ERCC8: variants seen among roughly 807,000 people sequenced by gnomAD.
The protein encoded by ERCC8 is ERCC excision repair 8, CSA ubiquitin ligase complex subunit, also known as DNA excision repair protein ERCC-8.
In ERCC8, 52 loss-of-function variants were observed where a neutral mutation model predicts 54.9. The ratio of observed to expected loss-of-function variants is 0.95; its 90% CI spans 0.76 to 1.19. The LOEUF is 1.19. Ranked by LOEUF, ERCC8 falls within the 50% of genes most tolerant of loss-of-function variation. The probability of loss-of-function intolerance (pLI) is 0.00; values close to 1 mark genes in which losing one functional copy is unlikely to be tolerated. For synonymous variants in ERCC8, 146 were observed against 157.2 expected (o/e 0.93, Z 0.53); for missense variants, 514 against 466.1 (o/e 1.10, Z -0.95).
chr5:60,904,983 A>G, intron 4 of ERCC8, 110 bp from the exon 5 acceptor site: 1 of 563,442 alleles, frequency 1.8e-6, no homozygotes, highest in Non-Finnish European at 3.3e-6. Flanking sequence ...ATTGACTGTT[A>G]GCAATTCAAC....
intron 7 of ERCC8, 152 bp from the exon 8 acceptor site, chr5:60,899,879 C>A: frequency 1.7e-6 from 1 of 589,582 alleles, no homozygotes. Context: ...GCCTTTTCAG[C>A]AAATATTCAA....
chr5:60,889,656 T>C (rs1346574964), intron 10 of ERCC8, among the ~76,000 whole-genome samples: 3 of 152,204 alleles, frequency 2.0e-5, no homozygotes, highest in African/African-American at 7.2e-5. Flanking sequence ...TCCAATTTGG[T>C]AGAAAGAAAT....
At chr5:60,876,080 G>A (rs4647139) in intron 11 of ERCC8, among the ~76,000 whole-genome samples, 5 of 151,080 alleles carry the variant, frequency 3.3e-5, no homozygotes, top group Admixed American at 2.6e-4. Flanking sequence ...TTCCTGTGTC[G>A]AAGTGTTCTT....
At chr5:60,934,719 C>A (rs1750014160) in intron 1 of ERCC8, among the ~76,000 whole-genome samples, 1 of 152,210 alleles carries the variant, frequency 6.6e-6, no homozygotes, top group South Asian at 2.1e-4. Flanking sequence ...AGTCTCTGAT[C>A]CATCTTGAGT....
At chr5:60,929,918 T>C (rs1486806312) in intron 1 of ERCC8, among the ~76,000 whole-genome samples, 1 of 152,234 alleles carries the variant, frequency 6.6e-6, no homozygotes. Context: ...AAAATAATGC[T>C]AGTTTAAATA....
rs4647050 is a variant in ERCC8 at position 60,939,846 on chromosome 5, T to G, written c.77+5086A>C. Among the ~76,000 whole-genome samples, 4 of 152,190 alleles carry G rather than the reference T, an allele frequency of 2.6e-5. No homozygotes were observed. The East Asian group carries it at 7.7e-4, about 29-fold the overall frequency. On this transcript the variant is annotated intron_variant, in intron 1 of 11. Coordinates refer to ENST00000676185, the MANE Select transcript of ERCC8 (RefSeq NM_000082.4). The stretch of plus-strand genomic sequence containing the variant: ...AGTCTCTAGAACTACTGATGAGATG[T>G]TTTACCTTTATGAATGGTAAATTCT...
chr5:60,908,397 C>T (rs1370112754), intron 4 of ERCC8, among the ~76,000 whole-genome samples: 13 of 151,740 alleles, frequency 8.6e-5, no homozygotes, highest in East Asian at 5.8e-4. Flanking sequence ...ATGTATAGAT[C>T]GATTCCTGGA....
chr5:60,941,213 A>C (rs1750247869), intron 1 of ERCC8, among the ~76,000 whole-genome samples: 1 of 152,234 alleles, frequency 6.6e-6, no homozygotes, highest in African/African-American at 2.4e-5. Flanking sequence ...GTTAAAACAG[A>C]AAGTCTCAGC....
chr5:60,904,612 AATATATATAGTGTGTGTGTGTGTAT>A (rs1748998540), intron 5 of ERCC8, among the ~76,000 whole-genome samples, 155 bp downstream of exon 5: 1 of 123,032 alleles, frequency 8.1e-6, no homozygotes, highest in African/African-American at 2.9e-5. Flanking sequence ...ATATCTGTTG[AATATATATAGTGTGTGTGTGTGTAT>A]ATATATATAT....
At chr5:60,878,224 C>T (rs868222615) in intron 11 of ERCC8, among the ~76,000 whole-genome samples, 2 of 152,178 alleles carry the variant, frequency 1.3e-5, no homozygotes, top group Non-Finnish European at 2.9e-5. Context: ...ATGAAGCCCA[C>T]TTGTTCATGG....
intron 3 of ERCC8, 82 bp downstream of exon 3, chr5:60,921,972 T>C (rs56108456): frequency 1.1e-6 from 1 of 924,562 alleles, no homozygotes; most frequent in Non-Finnish European, 1.8e-6. Flanking sequence ...TTCACTTGAC[T>C]GCAATTTTCA....
Position 60,893,283 on chromosome 5 carries a change from G to C in ERCC8, c.844-2197C>G, listed in dbSNP as rs930623335. On this transcript the variant is annotated intron_variant, in intron 9 of 11. Coordinates refer to ENST00000676185, the MANE Select transcript of ERCC8 (RefSeq NM_000082.4). ...AGCTGAGGAAACATATTTAATTCCT[G>C]CAAAACTTCTTCCTTACACTGAAAC... The C allele has an allele frequency of 4.0e-6, 4 of 1,008,974 alleles. No individual in the cohort carries two copies. The African/African-American group carries it at 4.8e-5, about 12-fold the overall frequency. 62.5% of individuals were successfully genotyped at this position (1,008,974 alleles called of 1,614,324 possible).
At chr5:60,934,234 C>G (rs1330505307) in intron 1 of ERCC8, among the ~76,000 whole-genome samples, 4 of 152,160 alleles carry the variant, frequency 2.6e-5, no homozygotes, top group African/African-American at 9.7e-5. Flanking sequence ...TCACCATATC[C>G]ATGCCAACAT....
intron 7 of ERCC8, among the ~76,000 whole-genome samples, chr5:60,900,049 G>C (rs1195730064): frequency 6.6e-6 from 1 of 151,906 alleles, no homozygotes; most frequent in African/African-American, 2.4e-5. Flanking sequence ...CTTGTTCCAA[G>C]TAAGTTCCTT....
intron 9 of ERCC8, chr5:60,892,548 CTCTT>C (rs907062701): frequency 1.2e-5 from 8 of 642,798 alleles, no homozygotes; most frequent in Non-Finnish European, 2.4e-5. Context: ...GTGTAAGTCT[CTCTT>C]CTTCCCCAAA....
chr5:60,891,560 C>T (rs1748556851), intron 9 of ERCC8, among the ~76,000 whole-genome samples: 1 of 151,492 alleles, frequency 6.6e-6, no homozygotes, highest in African/African-American at 2.4e-5. Context: ...GACTACCCCA[C>T]CAAGAATTTT....
intron 4 of ERCC8, among the ~76,000 whole-genome samples, chr5:60,915,795 C>G (rs189387620): frequency 1.3e-5 from 2 of 152,062 alleles, no homozygotes; most frequent in East Asian, 3.9e-4. Context: ...ACATTGGGCC[C>G]ACTAGGATAA....
chr5:60,907,857 C>G (rs1328255564), intron 4 of ERCC8, among the ~76,000 whole-genome samples: 31 of 152,168 alleles, frequency 2.0e-4, no homozygotes, highest in Non-Finnish European at 1.5e-5. Context: ...ACGTATTTCT[C>G]AACTAATTGC....
At chr5:60,918,177 A>T in intron 4 of ERCC8, 88 bp downstream of exon 4, 1 of 1,044,184 alleles carries the variant, frequency 9.6e-7, no homozygotes, top group South Asian at 1.3e-5. Context: ...CATATATGAC[A>T]TCTCAGCAAA....
Sources: allele counts gnomAD v4.1 joint callset (sites outside exome capture counted in the v4.1 genomes callset), GRCh38; gene constraint gnomAD v4.1.1; transcripts MANE v1.5; gene names NCBI Gene and HGNC (gene_info 2026-07-23, HGNC 2026-07-21).